The following XNDC1N variants were observed in gnomAD, a reference collection of about 807,000 sequenced individuals.
The protein encoded by XNDC1N is XRCC1 N-terminal domain containing 1, N-terminal like, also known as protein XNDC1N.
the XNDC1N span, among the ~76,000 whole-genome samples, chr11:71,885,148 T>C: frequency 4.0e-5 from 6 of 150,936 alleles, no homozygotes; most frequent in South Asian, 1.2e-3. Flanking sequence ...TGTCATATCA[T>C]CTTCTTCCTC....
the XNDC1N span, among the ~76,000 whole-genome samples, chr11:71,900,843 C>T: frequency 0.041 from 5,865 of 144,052 alleles, 1 homozygote; most frequent in African/African-American, 0.11. Context: ...AAAGGAGCAA[C>T]GCCTTTTCAT....
At chr11:71,888,444 C>A in the XNDC1N span, among the ~76,000 whole-genome samples, 1 of 152,308 alleles carries the variant, frequency 6.6e-6, no homozygotes, top group African/African-American at 2.4e-5. Flanking sequence ...CGGATGCCAA[C>A]AACAGCAAGG....
At chr11:71,891,193 C>T in the XNDC1N span, among the ~76,000 whole-genome samples, 1 of 151,876 alleles carries the variant, frequency 6.6e-6, no homozygotes, top group Admixed American at 6.6e-5. Flanking sequence ...ATGTTAGGAA[C>T]AATATCACAG....
At chr11:71,927,501 A>T in the XNDC1N span, 1 of 152,130 alleles carries the variant, frequency 6.6e-6, no homozygotes, top group East Asian at 1.9e-4. Context: ...AGCCTTGGTA[A>T]CACAGCGAGA....
At chr11:71,912,206 C>A in the XNDC1N span, among the ~76,000 whole-genome samples, 1 of 152,200 alleles carries the variant, frequency 6.6e-6, no homozygotes, top group Admixed American at 6.5e-5. Flanking sequence ...GCCCGGCATA[C>A]GAGCTTATGG....
chr11:71,891,218 C>G, the XNDC1N span, among the ~76,000 whole-genome samples: 1 of 151,932 alleles, frequency 6.6e-6, no homozygotes, highest in Non-Finnish European at 1.5e-5. Flanking sequence ...GTGTACCCCC[C>G]CTGCGATATT....
the XNDC1N span, among the ~76,000 whole-genome samples, chr11:71,909,882 C>T: frequency 6.6e-6 from 1 of 152,074 alleles, no homozygotes; most frequent in Non-Finnish European, 1.5e-5. Context: ...TAAAGTGACC[C>T]GGAATGGGAG....
the XNDC1N span, among the ~76,000 whole-genome samples, chr11:71,895,579 C>A: frequency 6.6e-6 from 1 of 151,688 alleles, no homozygotes; most frequent in African/African-American, 2.4e-5. Flanking sequence ...CGCCCGCTTC[C>A]GCCCCCCAAA....
At chr11:71,906,688 C>T in the XNDC1N span, among the ~76,000 whole-genome samples, 1 of 152,090 alleles carries the variant, frequency 6.6e-6, no homozygotes, top group Admixed American at 6.5e-5. Flanking sequence ...AAAAGGTGTA[C>T]AGGACCTGTG....
chr11:71,910,239 C>T, the XNDC1N span, among the ~76,000 whole-genome samples: 4 of 152,242 alleles, frequency 2.6e-5, no homozygotes, highest in Non-Finnish European at 5.9e-5. Context: ...TCAAGCTAAA[C>T]TGACTTTACA....
chr11:71,892,751 C>T, the XNDC1N span, among the ~76,000 whole-genome samples: 3 of 152,056 alleles, frequency 2.0e-5, no homozygotes, highest in African/African-American at 4.8e-5. Flanking sequence ...GAACTCCTGA[C>T]CTCAGGTGAT....
the XNDC1N span, among the ~76,000 whole-genome samples, chr11:71,890,523 G>C: frequency 8.5e-5 from 13 of 152,130 alleles, no homozygotes; most frequent in African/African-American, 3.1e-4. Context: ...ATATCACAAG[G>C]GGCGTGTACA....
At chr11:71,916,543 T>A in the XNDC1N span, 1 of 298,992 alleles carries the variant, frequency 3.3e-6, no homozygotes, top group Admixed American at 4.3e-5. Context: ...ACCTCATCAA[T>A]ATCTCATTTT....
the XNDC1N span, among the ~76,000 whole-genome samples, chr11:71,874,897 C>T: frequency 2.0e-5 from 3 of 152,056 alleles, no homozygotes; most frequent in African/African-American, 4.8e-5. Context: ...TTTACCTATA[C>T]TGGAAAATAG....
chr11:71,913,665 T>TAAAAAAAAAA, the XNDC1N span, among the ~76,000 whole-genome samples: 49 of 105,324 alleles, frequency 4.7e-4, no homozygotes, highest in African/African-American at 5.8e-4. Flanking sequence ...TCTCAAAAGA[T>TAAAAAAAAAA]AAAAAAAAAA....
At chr11:71,904,994 A>G in the XNDC1N span, among the ~76,000 whole-genome samples, 6 of 151,966 alleles carry the variant, frequency 3.9e-5, no homozygotes, top group African/African-American at 1.5e-4. Flanking sequence ...ATAACGAATA[A>G]TATCAGGGGG....
the XNDC1N span, chr11:71,928,376 G>C: frequency 3.3e-4 from 226 of 677,798 alleles, no homozygotes; most frequent in African/African-American, 3.6e-3. Context: ...CGGGACCGTG[G>C]ACCTCGAGGA....
the XNDC1N span, chr11:71,893,642 CCA>C: frequency 8.7e-7 from 1 of 1,147,204 alleles, no homozygotes; most frequent in Non-Finnish European, 1.3e-6. Flanking sequence ...CTCCACACCC[CCA>C]CGTACTTCTT....
At chr11:71,917,078 A>G in the XNDC1N span, 3 of 249,434 alleles carry the variant, frequency 1.2e-5, no homozygotes, top group South Asian at 1.3e-4. Context: ...CAATGGCCCA[A>G]TCTTGGCTCA....
Sources: gnomAD v4.1 joint callset for allele counts (sites outside exome capture counted in the v4.1 genomes callset) on GRCh38, gnomAD v4.1.1 for gene constraint, MANE v1.5 for transcripts, NCBI Gene and HGNC (gene_info 2026-07-23, HGNC 2026-07-21) for gene names.